L3MBTL4: variants seen among roughly 807,000 people sequenced by gnomAD.
L3MBTL4 encodes lethal(3)malignant brain tumor-like protein 4.
Under a neutral mutation model 84.5 loss-of-function variants are expected in L3MBTL4, and 70 were observed. The observed-to-expected ratio is 0.83, with a 90% confidence interval of 0.68 to 1.01. L3MBTL4 has a LOEUF of 1.01. L3MBTL4 is among the 50% of genes least tolerant of loss of function. L3MBTL4 has a pLI of 0.00. For missense variants in L3MBTL4, 715 were observed against 754.8 expected (o/e 0.95, Z 0.62); for synonymous variants, 274 against 259.8 (o/e 1.05, Z -0.52).
At chr18:6,074,540 T>C (rs1458398310) in intron 16 of L3MBTL4, among the ~76,000 whole-genome samples, 1 of 152,234 alleles carries the variant, frequency 6.6e-6, no homozygotes, top group African/African-American at 2.4e-5. Context: ...AGAGCTGTTA[T>C]TTATGTAATG....
At chr18:6,333,705 A>C (rs934644675) in intron 1 of L3MBTL4, among the ~76,000 whole-genome samples, 3 of 137,538 alleles carry the variant, frequency 2.2e-5, no homozygotes, top group Non-Finnish European at 3.0e-5. Context: ...GTAAGAGAAC[A>C]ACCACAAACA....
At chr18:6,022,512 C>T (rs1408515220) in intron 16 of L3MBTL4, among the ~76,000 whole-genome samples, 2 of 152,210 alleles carry the variant, frequency 1.3e-5, no homozygotes, top group African/African-American at 4.8e-5. Flanking sequence ...TTACTGCCAA[C>T]AGATTATAGC....
intron 1 of L3MBTL4, among the ~76,000 whole-genome samples, chr18:6,317,347 A>G (rs986539617): frequency 6.6e-6 from 1 of 152,122 alleles, no homozygotes; most frequent in African/African-American, 2.4e-5. Context: ...ACATAAAGAA[A>G]TGAAAAAAAA....
intron 3 of L3MBTL4, among the ~76,000 whole-genome samples, chr18:6,305,707 GT>G (rs1184390680): frequency 1.3e-5 from 2 of 152,094 alleles, no homozygotes; most frequent in African/African-American, 4.8e-5. Flanking sequence ...CACTCACCAG[GT>G]TAAAATCCAT....
At chr18:6,117,659 T>C (rs1017047399) in intron 14 of L3MBTL4, among the ~76,000 whole-genome samples, 2 of 152,166 alleles carry the variant, frequency 1.3e-5, no homozygotes, top group Non-Finnish European at 2.9e-5. Flanking sequence ...ATCTAAAAAA[T>C]TGGAGATAAG....
At chr18:6,149,213 A>G (rs1442251800) in intron 13 of L3MBTL4, among the ~76,000 whole-genome samples, 1 of 94,092 alleles carries the variant, frequency 1.1e-5, no homozygotes, top group Non-Finnish European at 2.0e-5. Flanking sequence ...CCCACCCCAC[A>G]ACAGTCCCCA....
chr18:6,093,842 T>A (rs2058541769), intron 14 of L3MBTL4, among the ~76,000 whole-genome samples: 1 of 152,242 alleles, frequency 6.6e-6, no homozygotes, highest in Non-Finnish European at 1.5e-5. Flanking sequence ...AAATGTCACA[T>A]AACACTTAAC....
At chr18:6,300,445 GA>G (rs1210582110) in intron 4 of L3MBTL4, among the ~76,000 whole-genome samples, 1 of 152,072 alleles carries the variant, frequency 6.6e-6, no homozygotes, top group Non-Finnish European at 1.5e-5. Context: ...GTCCAACAAT[GA>G]AAAAACACAG....
At chr18:6,361,690 C>T (rs1200280604) in intron 1 of L3MBTL4, among the ~76,000 whole-genome samples, 2 of 152,162 alleles carry the variant, frequency 1.3e-5, no homozygotes, top group Non-Finnish European at 2.9e-5. Flanking sequence ...TGTGCCAATG[C>T]CAGGTTCTGC....
chr18:6,115,944 G>A (rs2059345465), intron 14 of L3MBTL4, among the ~76,000 whole-genome samples: 2 of 152,290 alleles, frequency 1.3e-5, no homozygotes, highest in South Asian at 4.1e-4. Context: ...CACAGCCAGT[G>A]TGAGGAATTT....
chr18:6,367,848 G>A (rs535600438), intron 1 of L3MBTL4, among the ~76,000 whole-genome samples: 8 of 152,088 alleles, frequency 5.3e-5, no homozygotes, highest in Non-Finnish European at 1.0e-4. Flanking sequence ...ATACGGATTC[G>A]GCATTACCTC....
At chr18:6,046,605 C>T (rs1328157706) in intron 16 of L3MBTL4, 3 of 583,108 alleles carry the variant, frequency 5.1e-6, no homozygotes, top group Non-Finnish European at 9.3e-6. Flanking sequence ...CAAGATCTCC[C>T]AAAACCACAC....
chr18:6,192,138 C>T (rs1031285068), intron 12 of L3MBTL4, among the ~76,000 whole-genome samples: 1 of 152,106 alleles, frequency 6.6e-6, no homozygotes, highest in African/African-American at 2.4e-5. Context: ...ATGCGGTGCC[C>T]TGGAAGCCAC....
chr18:6,339,528 T>C (rs376981773), intron 1 of L3MBTL4, among the ~76,000 whole-genome samples: 20 of 152,148 alleles, frequency 1.3e-4, no homozygotes, highest in Non-Finnish European at 2.5e-4. Context: ...AAATGGATTA[T>C]CATCATGAGC....
chr18:6,390,893 AC>A (rs1246237768), intron 1 of L3MBTL4, among the ~76,000 whole-genome samples: 4 of 152,214 alleles, frequency 2.6e-5, no homozygotes, highest in African/African-American at 7.2e-5. Context: ...GCTGAATTCT[AC>A]CAGACATTCA....
At chr18:6,010,801 C>T (rs1260625190) in intron 16 of L3MBTL4, among the ~76,000 whole-genome samples, 1 of 152,164 alleles carries the variant, frequency 6.6e-6, no homozygotes, top group Non-Finnish European at 1.5e-5. Flanking sequence ...AACATAGGAT[C>T]TTCCCTGTGG....
intron 1 of L3MBTL4, among the ~76,000 whole-genome samples, chr18:6,380,302 G>C (rs1348512915): frequency 6.6e-6 from 1 of 151,836 alleles, no homozygotes; most frequent in Admixed American, 6.6e-5. Flanking sequence ...AGGGTTTTTC[G>C]TGTCTCTATC....
At chr18:6,071,736 AGAAGGAAG>A (rs1194939761) in intron 16 of L3MBTL4, among the ~76,000 whole-genome samples, 290 of 89,934 alleles carry the variant, frequency 3.2e-3, no homozygotes, top group Middle Eastern at 5.3e-3. Context: ...AAGGAAAGAA[AGAAGGAAG>A]GAAAGAAAGA....
intron 12 of L3MBTL4, among the ~76,000 whole-genome samples, chr18:6,183,700 G>A (rs67843482): frequency 6.6e-6 from 1 of 152,144 alleles, no homozygotes; most frequent in South Asian, 2.1e-4. Flanking sequence ...TATACAGAGA[G>A]AGGATATTGT....
Sources: allele counts gnomAD v4.1 joint callset (sites outside exome capture counted in the v4.1 genomes callset), GRCh38; gene constraint gnomAD v4.1.1; transcripts MANE v1.5; gene names NCBI Gene and HGNC (gene_info 2026-07-23, HGNC 2026-07-21).